NLGN4X: variants seen among roughly 807,000 people sequenced by gnomAD.
NLGN4X encodes the protein neuroligin-4, X-linked.
In NLGN4X, 3 loss-of-function variants were observed where a neutral mutation model predicts 40.3. That is an observed-to-expected ratio of 0.07 (90% CI 0.03 to 0.19). NLGN4X has a LOEUF of 0.19. NLGN4X is among the 10% of genes least tolerant of loss of function. The pLI, the probability that NLGN4X is intolerant of heterozygous loss-of-function variation, is 1.00. For synonymous variants in NLGN4X, 270 were observed against 306.8 expected, an observed-to-expected ratio of 0.88 and a Z score of 1.25; for missense variants, 382 against 708.3, an observed-to-expected ratio of 0.54 and a Z score of 5.23.
intron 1 of NLGN4X, among the ~76,000 whole-genome samples, chrX:6,204,715 G>A (rs926662932): frequency 3.6e-5 from 4 of 111,459 alleles, no homozygotes; most frequent in Non-Finnish European, 7.5e-5. Flanking sequence ...TGCTGACTCA[G>A]AAACTCCTGG....
At chrX:6,029,203 C>T in intron 3 of NLGN4X, 77 bp downstream of exon 3, 1 of 1,101,344 alleles carries the variant, frequency 9.1e-7, no homozygotes, top group South Asian at 1.8e-5. Flanking sequence ...GATTCAAATC[C>T]ACGAGCCCCG....
intron 3 of NLGN4X, among the ~76,000 whole-genome samples, chrX:5,929,089 T>C (rs1444357075): frequency 1.8e-5 from 2 of 109,009 alleles, no homozygotes; most frequent in Non-Finnish European, 3.8e-5. Context: ...GCTTGTTCAT[T>C]TTGAAAAAAA....
chrX:6,058,161 T>A (rs1392183125), intron 2 of NLGN4X, among the ~76,000 whole-genome samples: 1 of 105,507 alleles, frequency 9.5e-6, no homozygotes, highest in Non-Finnish European at 2.0e-5. Context: ...TGTGTATACA[T>A]GCACACACAC....
chrX:5,996,883 C>A (rs1345550664), intron 3 of NLGN4X, among the ~76,000 whole-genome samples: 1 of 111,534 alleles, frequency 9.0e-6, no homozygotes, highest in Non-Finnish European at 1.9e-5. Context: ...AGGCATGAGC[C>A]ACTTATGCCC....
In NLGN4X at chrX:6,026,918, A is replaced by AAT. The variant is rs374851516; in HGVS notation, c.625+2361_625+2362insAT. ...TGATTCACGAAGGGACAAAACTGAT[A>AAT]AAAAAAAAATCATAGTGTAGAGTTG... On this transcript the variant is annotated intron_variant, in intron 3 of 5. Transcript: ENST00000381095. Among the ~76,000 whole-genome samples the AAT allele has an allele frequency of 7.9e-3, 727 of 92,232 alleles. 5 individuals carry two copies. The highest frequency in any genetic ancestry group is 0.042 in the Middle Eastern group (8 of 191). 80.1% of individuals were successfully genotyped at this position (92,232 alleles called of 115,157 possible). A position where few individuals can be genotyped will look rare whatever the true frequency, so the allele number is the denominator to read the frequency against.
intron 3 of NLGN4X, among the ~76,000 whole-genome samples, chrX:5,952,019 G>A (rs2034328964): frequency 8.9e-6 from 1 of 112,299 alleles, no homozygotes; most frequent in African/African-American, 3.2e-5. Flanking sequence ...CAAAAATAGA[G>A]GCAGTGGAGA....
At position 5,903,816 on chromosome X, in the gene NLGN4X, C is replaced by T. The variant is rs1271196244; in HGVS notation, c.862G>A (p.Ala288Thr). Residue 288 changes from alanine (A) to threonine (T), a missense_variant, in exon 5 of 6, where the codon GCA (alanine) becomes ACA (threonine). This residue lies in a region of NLGN4X where 32 missense variants were observed against 85.2 expected (regional missense o/e 0.38). Transcript: ENST00000381095. ...TACTTGGCCGGCTGGTAGTTCACTG[C>T]CCAGCTGGACAGGGCGGTGCCGCTC... ...IQSGTALSSW[A>T]VNYQPAKYTR... is the part of the protein sequence containing the mutation. The T allele has an allele frequency of 9.9e-6, 12 of 1,210,143 alleles. No homozygotes were observed. The highest frequency in any genetic ancestry group is 1.3e-5 in the Non-Finnish European group (12 of 895,331).
intron 3 of NLGN4X, among the ~76,000 whole-genome samples, chrX:5,938,575 GT>G (rs2033808006): frequency 9.1e-6 from 1 of 110,496 alleles, no homozygotes; most frequent in South Asian, 3.9e-4. Context: ...TAGGGTTTGG[GT>G]TCAAATTTGG....
intron 2 of NLGN4X, among the ~76,000 whole-genome samples, chrX:6,076,525 A>G (rs1036859834): frequency 4.5e-5 from 5 of 112,051 alleles, no homozygotes; most frequent in Non-Finnish European, 9.4e-5. Flanking sequence ...CATATTTTAC[A>G]TATTTTACAT....
At chrX:6,200,695 T>TTTTCTTTTTTTC (rs1327050605) in intron 1 of NLGN4X, among the ~76,000 whole-genome samples, 2 of 91,171 alleles carry the variant, frequency 2.2e-5, no homozygotes, top group Non-Finnish European at 2.2e-5. Context: ...TTCTTTTTTT[T>TTTTCTTTTTTTC]TTTTTTTTTT....
At chrX:6,096,440 G>A (rs2038778923) in intron 2 of NLGN4X, among the ~76,000 whole-genome samples, 1 of 111,354 alleles carries the variant, frequency 9.0e-6, no homozygotes, top group Admixed American at 9.6e-5. Flanking sequence ...AACCCTTAAT[G>A]TGATAGCCTC....
At chrX:6,119,214 T>C (rs2039367688) in intron 2 of NLGN4X, among the ~76,000 whole-genome samples, 1 of 111,936 alleles carries the variant, frequency 8.9e-6, no homozygotes, top group South Asian at 3.7e-4. Flanking sequence ...TGGGTATTTG[T>C]TGAATGAATG....
chrX:6,182,019 C>T (rs1921507212), intron 1 of NLGN4X, among the ~76,000 whole-genome samples: 1 of 111,542 alleles, frequency 9.0e-6, no homozygotes, highest in Non-Finnish European at 1.9e-5. Context: ...TCATTAGGAC[C>T]TCCACTGCAG....
chrX:6,172,788 G>A (rs1183721103), intron 1 of NLGN4X, among the ~76,000 whole-genome samples: 1 of 111,954 alleles, frequency 8.9e-6, no homozygotes, highest in Non-Finnish European at 1.9e-5. Flanking sequence ...TGAACATATT[G>A]TACAGTAAAT....
At chrX:6,127,945 A>G (rs902483447) in intron 2 of NLGN4X, among the ~76,000 whole-genome samples, 1 of 107,474 alleles carries the variant, frequency 9.3e-6, no homozygotes, top group Non-Finnish European at 1.9e-5. Context: ...GATATTTACA[A>G]CATGTAAAAC....
chrX:6,217,663 T>C (rs1925206506), intron 1 of NLGN4X, among the ~76,000 whole-genome samples: 2 of 111,954 alleles, frequency 1.8e-5, no homozygotes, highest in Admixed American at 1.9e-4. Context: ...TGGTTGGTTT[T>C]ATGCTGCAAC....
At chrX:5,992,518 T>A (rs1036426084) in intron 3 of NLGN4X, among the ~76,000 whole-genome samples, 3 of 111,524 alleles carry the variant, frequency 2.7e-5, no homozygotes, top group Middle Eastern at 4.6e-3. Context: ...GGAGGGTGGC[T>A]TGAGCCTAGG....
At chrX:5,974,740 T>C (rs992559288) in intron 3 of NLGN4X, among the ~76,000 whole-genome samples, 6 of 112,088 alleles carry the variant, frequency 5.4e-5, no homozygotes, top group African/African-American at 1.9e-4. Flanking sequence ...CAGATAGTAC[T>C]GAACCTTATA....
chrX:6,200,261 G>T (rs1360164342), intron 1 of NLGN4X, among the ~76,000 whole-genome samples: 3 of 112,141 alleles, frequency 2.7e-5, no homozygotes, highest in Non-Finnish European at 5.6e-5. Context: ...GATCAGGTGA[G>T]CTCAGAGAAG....
Sources: allele counts gnomAD v4.1 joint callset (sites outside exome capture counted in the v4.1 genomes callset), GRCh38; gene constraint gnomAD v4.1.1; regional missense constraint gnomAD v4.1.1; transcripts MANE v1.5; gene names NCBI Gene and HGNC (gene_info 2026-07-23, HGNC 2026-07-21).